PTPN21: variants seen among roughly 807,000 people sequenced by gnomAD.
The protein encoded by PTPN21 is protein tyrosine phosphatase non-receptor type 21.
PTPN21 carries 77 observed loss-of-function variants against 131.8 expected under a neutral mutation model. That is an observed-to-expected ratio of 0.58 (90% CI 0.49 to 0.71). The LOEUF is 0.71. Ranked by LOEUF, PTPN21 falls within the 30% of genes least tolerant of loss-of-function variation. PTPN21 has a pLI of 0.00. For missense variants in PTPN21, 1,552 were observed against 1,527.1 expected (o/e 1.02, Z -0.27); for synonymous variants, 715 against 621.3 (o/e 1.15, Z -2.24).
chr14:88,501,178 C>T (rs1019395557), intron 7 of PTPN21, 103 bp downstream of exon 7: 46 of 1,052,738 alleles, frequency 4.4e-5, no homozygotes, highest in South Asian at 1.4e-4. Context: ...GAGTTTTGCA[C>T]GTCCTCAGCC....
intron 8 of PTPN21, among the ~76,000 whole-genome samples, chr14:88,498,102 A>C (rs1043490369): frequency 9.7e-5 from 13 of 133,644 alleles, no homozygotes; most frequent in Non-Finnish European, 1.8e-4. Context: ...ACTCTGTCTA[A>C]AAAAAAAAAA....
chr14:88,549,866 G>A (rs1229232475), intron 2 of PTPN21, among the ~76,000 whole-genome samples: 4 of 151,544 alleles, frequency 2.6e-5, no homozygotes, highest in African/African-American at 7.3e-5. Context: ...ACATTCAAGC[G>A]ATTCTCCTGT....
intron 3 of PTPN21, among the ~76,000 whole-genome samples, chr14:88,513,226 G>A (rs1020855391): frequency 3.9e-5 from 6 of 152,096 alleles, no homozygotes; most frequent in Admixed American, 1.3e-4. Context: ...GTGCAGTAGC[G>A]TGACCTCAGC....
intron 2 of PTPN21, among the ~76,000 whole-genome samples, chr14:88,524,135 T>TC (rs1269013720): frequency 1.3e-5 from 2 of 152,090 alleles, no homozygotes; most frequent in Non-Finnish European, 2.9e-5. Flanking sequence ...ATCCTCAAAT[T>TC]CACATGGGCC....
At chr14:88,485,026 T>C (rs746792080) in intron 12 of PTPN21, 50 bp downstream of exon 12, 1 of 1,447,240 alleles carries the variant, frequency 6.9e-7, no homozygotes, top group East Asian at 2.3e-5. Context: ...ATTCACAGAT[T>C]TATCCATAGT....
At chr14:88,485,210 TAC>T (rs762683056) in intron 11 of PTPN21, 50 bp from the exon 12 acceptor site, 1 of 1,184,970 alleles carries the variant, frequency 8.4e-7, no homozygotes, top group East Asian at 2.6e-5. Context: ...GCTTATGTAA[TAC>T]AGGTAAAGTT....
intron 5 of PTPN21, among the ~76,000 whole-genome samples, chr14:88,504,730 CTGAGT>C (rs1196798180): frequency 6.6e-6 from 1 of 151,914 alleles, no homozygotes; most frequent in Non-Finnish European, 1.5e-5. Flanking sequence ...AAAGTTTCAG[CTGAGT>C]TATGTCAAGT....
At chr14:88,476,337 C>T (rs2077546425) in intron 13 of PTPN21, among the ~76,000 whole-genome samples, 1 of 152,186 alleles carries the variant, frequency 6.6e-6, no homozygotes, top group South Asian at 2.1e-4. Context: ...TTAATATTGA[C>T]TAATCTCTTT....
chr14:88,497,253 A>C lies in PTPN21; in HGVS notation c.802T>G (p.Phe268Val). 1 of 1,613,706 alleles carries C rather than the reference A, an allele frequency of 6.2e-7. No homozygotes were observed. The highest frequency in any genetic ancestry group is 2.2e-5 in the East Asian group (1 of 44,862). ...TTATTTGCCAGCTCTAATGCAAAAA[A>C]GGACTTGTTGTGGGACATGTTGGCA... ...DIANMSHNKS[F>V]FALELANKEE... Residue 268 changes from phenylalanine to valine, a missense_variant, in exon 9 of 19, where the codon TTT becomes GTT. Transcript: ENST00000556564.
At chr14:88,470,137 G>A in intron 15 of PTPN21, 87 bp from the exon 16 acceptor site, 1 of 1,398,176 alleles carries the variant, frequency 7.2e-7, no homozygotes, top group South Asian at 1.3e-5. Flanking sequence ...TACTAAAAAA[G>A]TTTTTTTAAA....
At chr14:88,547,289 C>G (rs1257506020) in intron 2 of PTPN21, among the ~76,000 whole-genome samples, 1 of 57,806 alleles carries the variant, frequency 1.7e-5, no homozygotes. Flanking sequence ...AAGAAGAAAC[C>G]ATAATAGGAA....
At chr14:88,474,150 A>C (rs963474201) in intron 13 of PTPN21, among the ~76,000 whole-genome samples, 5 of 136,238 alleles carry the variant, frequency 3.7e-5, no homozygotes, top group African/African-American at 7.1e-5. Context: ...AAAAAAAAAA[A>C]AAAAACAAAA....
At chr14:88,514,321 A>C (rs2078229340) in intron 3 of PTPN21, among the ~76,000 whole-genome samples, 1 of 152,130 alleles carries the variant, frequency 6.6e-6, no homozygotes, top group African/African-American at 2.4e-5. Context: ...GTTCTTTCAT[A>C]TCATGTTATT....
chr14:88,468,405 C>T (rs554449272), intron 18 of PTPN21, 140 bp from the exon 19 acceptor site: 94 of 777,440 alleles, frequency 1.2e-4, no homozygotes, highest in Non-Finnish European at 1.7e-4. Context: ...TAGAAATAAG[C>T]CATGATTGCC....
intron 2 of PTPN21, among the ~76,000 whole-genome samples, chr14:88,524,716 G>A (rs1267422023): frequency 6.6e-6 from 1 of 152,086 alleles, no homozygotes; most frequent in Non-Finnish European, 1.5e-5. Flanking sequence ...ACCAGCCTGG[G>A]CAACAAAGCA....
intron 13 of PTPN21, among the ~76,000 whole-genome samples, chr14:88,478,700 A>G (rs1216681084): frequency 6.6e-6 from 1 of 152,184 alleles, no homozygotes; most frequent in East Asian, 1.9e-4. Context: ...CACTTCATCT[A>G]TAATAATTAT....
intron 2 of PTPN21, among the ~76,000 whole-genome samples, chr14:88,527,294 C>A (rs546257629): frequency 1.3e-5 from 2 of 152,262 alleles, no homozygotes; most frequent in East Asian, 3.9e-4. Context: ...GTGTTCCCTT[C>A]TCACCACATT....
Position 88,475,412 on chromosome 14 carries a change from C to T in PTPN21, c.2512-1610G>A, listed in dbSNP as rs545600120. On this transcript the variant is annotated intron_variant, in intron 13 of 18. Coordinates refer to ENST00000556564, the MANE Select transcript of PTPN21 (RefSeq NM_007039.4). ...TTAATATTTGATCATGAGCTCCCCA[C>T]ATAATGCAGTCTAGACTATAAACAG... is the stretch of plus-strand genomic sequence containing the variant. 2.6e-5 allele frequency among the ~76,000 whole-genome samples: 4 copies of T among 152,312 alleles called. No individual in the cohort carries two copies. The East Asian group carries it at 7.7e-4, about 29-fold the overall frequency.
chr14:88,493,442 A>G (rs2077854933), intron 10 of PTPN21, among the ~76,000 whole-genome samples: 1 of 152,168 alleles, frequency 6.6e-6, no homozygotes, highest in African/African-American at 2.4e-5. Context: ...ATAAGGAAAG[A>G]TGCCTTCCTG....
Sources: gnomAD v4.1 joint callset for allele counts (sites outside exome capture counted in the v4.1 genomes callset) on GRCh38, gnomAD v4.1.1 for gene constraint, MANE v1.5 for transcripts, NCBI Gene and HGNC (gene_info 2026-07-23, HGNC 2026-07-21) for gene names.